The following MRPS24 variants were observed in gnomAD, a reference collection of about 807,000 sequenced individuals.
The protein encoded by MRPS24 is small ribosomal subunit protein uS3m.
MRPS24 carries 15 observed loss-of-function variants against 21.8 expected under a neutral mutation model. The observed-to-expected ratio is 0.69, with a 90% confidence interval of 0.46 to 1.06. MRPS24 has a LOEUF of 1.06. Ranked by LOEUF, MRPS24 falls within the 50% of genes least tolerant of loss-of-function variation. The probability of loss-of-function intolerance (pLI) is 0.00; values close to 1 mark genes in which losing one functional copy is unlikely to be tolerated. For synonymous variants in MRPS24, 93 were observed against 93.7 expected (o/e 0.99, Z 0.04); for missense variants, 224 against 219.1 (o/e 1.02, Z -0.14).
In MRPS24 at chr7:43,866,605, G is replaced by C; in HGVS notation, c.*94C>G. Reference sequence around the variant, plus strand: ...ATAGCAGATGAGAGACTATGCCTCAGTCCTCTGAGGGGATGCATTTCCCCC... The same window carrying C: ...ATAGCAGATGAGAGACTATGCCTCACTCCTCTGAGGGGATGCATTTCCCCC... On this transcript the variant is annotated 3_prime_UTR_variant, in exon 4 of 4. Coordinates refer to ENST00000317534, the MANE Select transcript of MRPS24 (RefSeq NM_032014.3). 7.2e-7 allele frequency: 1 copy of C among 1,396,102 alleles called. No individual in the cohort carries two copies. The highest frequency in any genetic ancestry group is 9.9e-7 in the Non-Finnish European group (1 of 1,009,100). The allele number at this position is 1,396,102 out of a possible 1,614,324, so 86.5% of individuals were successfully genotyped here. A position where few individuals can be genotyped will look rare whatever the true frequency, so the allele number is the denominator to read the frequency against.
rs542401522 is a variant in MRPS24, at chr7:43,866,885, G to C, written c.318C>G (p.Asp106Glu). 6.2e-7 allele frequency: 1 copy of C among 1,614,204 alleles called. No individual in the cohort carries two copies. The highest frequency in any genetic ancestry group is 1.1e-5 in the South Asian group (1 of 91,086). ...MWGTFPGCLA[D>E]QLVLKRRGNQ... ...TACCCCGGCGCTTTAAAACCAGCTG[G>C]TCAGCCAGGCAGCCTGGGAAGGTAC... The change falls in exon 4 of 4, where the codon GAC (aspartate) becomes GAG (glutamate). Residue 106 changes from aspartate (D) to glutamate (E), a missense_variant. Asp to Glu is a conservative substitution (Grantham distance 45). Transcript: ENST00000317534.
In MRPS24 at chr7:43,869,030, C is replaced by T. The variant is rs773161689; in HGVS notation, c.153G>A (p.Val51=). 6 of 1,613,992 alleles carry T rather than the reference C, an allele frequency of 3.7e-6. No individual in the cohort carries two copies. Among genetic ancestry groups the T allele is most frequent in the Non-Finnish European group, 5.1e-6 (6 of 1,180,024 alleles). Residue 51 remains valine, a synonymous_variant, in exon 3 of 4, where the codon GTG becomes GTA. Transcript: ENST00000317534. This position sits in a 1 kb window ranked among gnomAD's most constrained non-coding sequence, Gnocchi z 4.8. The part of the protein sequence containing the change: ...RVRVSKGDKP[V]TYEEAHAPHY... Reference sequence around the variant, plus strand: ...GCGGCGCGTGTGCCTCCTCGTAGGTCACCGGCTTGTCCCCCTTGCTTACGC... The same window carrying T: ...GCGGCGCGTGTGCCTCCTCGTAGGTTACCGGCTTGTCCCCCTTGCTTACGC...
Position 43,869,423 on chromosome 7 carries a change from G to A in MRPS24, c.39+34C>T. ...GGCGGAAACTAGGGACCCCACCTCC[G>A]ACTCGCAGGGACCTGCCGAGTCGCC... On this transcript the variant is annotated intron_variant, in intron 1 of 3. Coordinates refer to ENST00000317534, the MANE Select transcript of MRPS24 (RefSeq NM_032014.3). The surrounding 1 kb of genome is among the most constrained non-coding windows in gnomAD (Gnocchi z 4.8). 1 of 1,553,116 alleles carries A rather than the reference G, an allele frequency of 6.4e-7. No individual in the cohort carries two copies. The highest frequency in any genetic ancestry group is 8.7e-7 in the Non-Finnish European group (1 of 1,148,964).
In MRPS24 at chr7:43,866,945, C is replaced by A. The variant is rs9154; in HGVS notation, c.258G>T (p.Thr86=). ...ACTTGCGAAGGAAAACATCCTCCAC[C>A]GTTCGCTCTGCGGCATGGTCCTCTC... ...LDGEDHAAER[T]VEDVFLRKFM... Residue 86 remains threonine, a synonymous_variant, in exon 4 of 4, where the codon ACG becomes ACT. Coordinates refer to ENST00000317534, the MANE Select transcript of MRPS24 (RefSeq NM_032014.3). 1 of 1,613,988 alleles carries A rather than the reference C, an allele frequency of 6.2e-7. No homozygotes were observed. The highest frequency in any genetic ancestry group is 2.2e-5 in the East Asian group (1 of 44,886).
In MRPS24 at chr7:43,866,844, C is replaced by T; in HGVS notation, c.359G>A (p.Cys120Tyr). The T allele has an allele frequency of 6.2e-7, 1 of 1,614,228 alleles. No individual in the cohort carries two copies. Among genetic ancestry groups the T allele is most frequent in the South Asian group, 1.1e-5 (1 of 91,088 alleles). Reference sequence around the variant, plus strand: ...AGACAACTGCCTCAGGACCACGGCACAGATCTCCAACTGGTTACCCCGGCG... The same window carrying T: ...AGACAACTGCCTCAGGACCACGGCATAGATCTCCAACTGGTTACCCCGGCG... ...LKRRGNQLEI[C>Y]AVVLRQLSPH... The change falls in exon 4 of 4, where the codon TGT becomes TAT. Residue 120 changes from cysteine to tyrosine, a missense_variant. Transcript: ENST00000317534.
rs1177976319 is a variant in MRPS24 at position 43,866,916 on chromosome 7, A to G, written c.287T>C (p.Met96Thr). 6 of 1,614,080 alleles carry G rather than the reference A, an allele frequency of 3.7e-6. No individual in the cohort carries two copies. Among genetic ancestry groups the G allele is most frequent in the East Asian group, 2.2e-5 (1 of 44,898 alleles). Residue 96 changes from methionine (M) to threonine (T), a missense_variant, in exon 4 of 4, where the codon ATG becomes ACG. Coordinates refer to ENST00000317534, the MANE Select transcript of MRPS24 (RefSeq NM_032014.3). Reference sequence around the variant, plus strand: ...CAGGCAGCCTGGGAAGGTACCCCACATGAACTTGCGAAGGAAAACATCCTC... The same window carrying G: ...CAGGCAGCCTGGGAAGGTACCCCACGTGAACTTGCGAAGGAAAACATCCTC... ...TVEDVFLRKFMWGTFPGCLAD... is the reference protein window; with the variant it reads ...TVEDVFLRKFTWGTFPGCLAD...
chr7:43,869,332 CA>C lies in MRPS24; in HGVS notation c.83del (p.Leu28ArgfsTer17). On this transcript the variant is annotated frameshift_variant, in exon 2 of 4. Coordinates refer to ENST00000317534, the MANE Select transcript of MRPS24 (RefSeq NM_032014.3). LOFTEE classifies it high-confidence loss of function. This position sits in a 1 kb window ranked among gnomAD's most constrained non-coding sequence, Gnocchi z 4.8. ...CCTTGGCGCAGACCGGGGAGGTGTG[CA>C]GGGCGCGCCAAGCGCAAGGCAGCTC... ...SRELPCAWRA[L>X]HTSPVCAKNR... 1 of 1,530,680 alleles carries C rather than the reference CA, an allele frequency of 6.5e-7. No homozygotes were observed. 94.8% of individuals were successfully genotyped at this position (1,530,680 alleles called of 1,614,324 possible). A position where few individuals can be genotyped will look rare whatever the true frequency, so the allele number is the denominator to read the frequency against.
Position 43,869,030 on chromosome 7 carries a change from C to G in MRPS24, c.153G>C (p.Val51=). 1 of 1,613,992 alleles carries G rather than the reference C, an allele frequency of 6.2e-7. No homozygotes were observed. The highest frequency in any genetic ancestry group is 8.5e-7 in the Non-Finnish European group (1 of 1,180,024). The part of the protein sequence containing the change: ...RVRVSKGDKP[V]TYEEAHAPHY... The stretch of plus-strand genomic sequence containing the variant: ...GCGGCGCGTGTGCCTCCTCGTAGGT[C>G]ACCGGCTTGTCCCCCTTGCTTACGC... The change falls in exon 3 of 4, where the codon GTG becomes GTC. Residue 51 remains valine (V), a synonymous_variant. Coordinates refer to ENST00000317534, the MANE Select transcript of MRPS24 (RefSeq NM_032014.3). The surrounding 1 kb of genome is among the most constrained non-coding windows in gnomAD (Gnocchi z 4.8).
Position 43,866,586 on chromosome 7 carries a change from G to T in MRPS24, c.*113C>A. The T allele has an allele frequency of 8.2e-7, 1 of 1,212,266 alleles. No homozygotes were observed. The allele number at this position is 1,212,266 out of a possible 1,614,324, so 75.1% of individuals were successfully genotyped here. ...GATAGAAGGTCTTTATTCAATAGCA[G>T]ATGAGAGACTATGCCTCAGTCCTCT... is the stretch of plus-strand genomic sequence containing the variant. On this transcript the variant is annotated 3_prime_UTR_variant, in exon 4 of 4. Transcript: ENST00000317534.
In MRPS24 at chr7:43,866,891, C is replaced by T. The variant is rs759685614; in HGVS notation, c.312G>A (p.Leu104=). ...KFMWGTFPGC[L]ADQLVLKRRG... is the part of the protein sequence containing the mutation. ...GGCGCTTTAAAACCAGCTGGTCAGC[C>T]AGGCAGCCTGGGAAGGTACCCCACA... Residue 104 remains leucine, a synonymous_variant, in exon 4 of 4, where the codon CTG becomes CTA. Transcript: ENST00000317534. 1.1e-5 allele frequency: 17 copies of T among 1,614,074 alleles called. No individual in the cohort carries two copies. The highest frequency in any genetic ancestry group is 2.7e-5 in the African/African-American group (2 of 74,932).
At chr7:43,867,930 T>C (rs534646304) in intron 3 of MRPS24, 1 of 152,312 alleles carries the variant, frequency 6.6e-6, no homozygotes, top group East Asian at 1.9e-4. Flanking sequence ...ACAATAGTTA[T>C]ATTCTATAAA....
At position 43,869,391 on chromosome 7, in the gene MRPS24, C is replaced by A; in HGVS notation, c.40-15G>T. On this transcript the variant is annotated splice_polypyrimidine_tract_variant and intron_variant, in intron 1 of 3. Transcript: ENST00000317534. This position sits in a 1 kb window ranked among gnomAD's most constrained non-coding sequence, Gnocchi z 4.8. ...CAGGACAGCACCTGTGGAGGGAGGG[C>A]GCGTGAGGCGGAAACTAGGGACCCC... The A allele has an allele frequency of 1.3e-6, 2 of 1,549,830 alleles. No individual in the cohort carries two copies. Among genetic ancestry groups the A allele is most frequent in the South Asian group, 1.2e-5 (1 of 84,074 alleles).
At position 43,866,924 on chromosome 7, in the gene MRPS24, G is replaced by C; in HGVS notation, c.279C>G (p.Arg93=). 1 of 1,614,148 alleles carries C rather than the reference G, an allele frequency of 6.2e-7. No individual in the cohort carries two copies. The highest frequency in any genetic ancestry group is 1.1e-5 in the South Asian group (1 of 91,078). Residue 93 remains arginine (R), a synonymous_variant, in exon 4 of 4, where the codon CGC becomes CGG. Coordinates refer to ENST00000317534, the MANE Select transcript of MRPS24 (RefSeq NM_032014.3). ...CTGGGAAGGTACCCCACATGAACTTGCGAAGGAAAACATCCTCCACCGTTC... is the reference window on the plus strand; with the variant it reads ...CTGGGAAGGTACCCCACATGAACTTCCGAAGGAAAACATCCTCCACCGTTC... ...AERTVEDVFL[R]KFMWGTFPGC...
chr7:43,868,834 T>G, intron 3 of MRPS24, 129 bp downstream of exon 3: 3 of 1,173,268 alleles, frequency 2.6e-6, no homozygotes, highest in Non-Finnish European at 3.5e-6. Flanking sequence ...ATGTCTCCCT[T>G]GAGTTGGTTT....
chr7:43,867,020 T>G, intron 3 of MRPS24, 38 bp from the exon 4 acceptor site: 2 of 1,600,446 alleles, frequency 1.2e-6, no homozygotes, highest in Non-Finnish European at 1.7e-6. Context: ...ATCAGCCTCA[T>G]TGCCCCAGGG....
At position 43,869,138 on chromosome 7, in the gene MRPS24, T is replaced by TC; in HGVS notation, c.109-65dup. 6.5e-6 allele frequency: 10 copies of TC among 1,541,438 alleles called. No individual in the cohort carries two copies. The highest frequency in any genetic ancestry group is 7.8e-6 in the Non-Finnish European group (9 of 1,147,438). On this transcript the variant is annotated intron_variant, in intron 2 of 3. Transcript: ENST00000317534. The surrounding 1 kb of genome is among the most constrained non-coding windows in gnomAD (Gnocchi z 4.8). The stretch of plus-strand genomic sequence containing the variant: ...ATCCAGACCCCTACTTCGCGCCATG[T>TC]CCCCCCAGTCAGCTGGCACTGTTCC...
chr7:43,866,862 C>T lies in MRPS24; in HGVS notation c.341G>A (p.Gly114Asp). The T allele has an allele frequency of 6.2e-7, 1 of 1,614,214 alleles. No homozygotes were observed. Among genetic ancestry groups the T allele is most frequent in the Non-Finnish European group, 8.5e-7 (1 of 1,180,024 alleles). Reference sequence around the variant, plus strand: ...CACGGCACAGATCTCCAACTGGTTACCCCGGCGCTTTAAAACCAGCTGGTC... The same window carrying T: ...CACGGCACAGATCTCCAACTGGTTATCCCGGCGCTTTAAAACCAGCTGGTC... The part of the protein sequence containing the change: ...LADQLVLKRR[G>D]NQLEICAVVL... Residue 114 changes from glycine (G) to aspartate (D), a missense_variant, in exon 4 of 4, where the codon GGT (glycine) becomes GAT (aspartate). Coordinates refer to ENST00000317534, the MANE Select transcript of MRPS24 (RefSeq NM_032014.3).
Position 43,869,476 on chromosome 7 carries a change from C to T in MRPS24, c.20G>A (p.Ser7Asn). The stretch of plus-strand genomic sequence containing the variant: ...ACTCACCCGTGGCCCCAGCAACCCG[C>T]TGCACACGGAGGCCGCCATCTTGGG... MAASVC[S>N]GLLGPRVLSW... The change falls in exon 1 of 4, where the codon AGC becomes AAC. Residue 7 changes from serine to asparagine, a missense_variant. Physicochemically the swap from Ser to Asn is conservative, Grantham distance 46 (BLOSUM62 1). Coordinates refer to ENST00000317534, the MANE Select transcript of MRPS24 (RefSeq NM_032014.3). The surrounding 1 kb of genome is among the most constrained non-coding windows in gnomAD (Gnocchi z 4.8). The T allele has an allele frequency of 1.3e-6, 2 of 1,570,074 alleles. No homozygotes were observed. Among genetic ancestry groups the T allele is most frequent in the African/African-American group, 1.4e-5 (1 of 73,970 alleles).
In MRPS24 at chr7:43,869,458, C is replaced by T. The variant is rs761347989; in HGVS notation, c.38G>A (p.Arg13Gln). Residue 13 changes from arginine to glutamine, a missense_variant and splice_region_variant, in exon 1 of 4, where the codon CGG becomes CAG. By Grantham distance (43) the Arg-to-Gln change is conservative (BLOSUM62 1). Coordinates refer to ENST00000317534, the MANE Select transcript of MRPS24 (RefSeq NM_032014.3). This position sits in a 1 kb window ranked among gnomAD's most constrained non-coding sequence, Gnocchi z 4.8. The part of the protein sequence containing the change: ...ASVCSGLLGP[R>Q]VLSWSRELPC... ...GACCTGCCGAGTCGCCCCACTCACC[C>T]GTGGCCCCAGCAACCCGCTGCACAC... 7 of 1,564,968 alleles carry T rather than the reference C, an allele frequency of 4.5e-6. No homozygotes were observed. In the African/African-American group the frequency reaches 5.4e-5, roughly 12 times the overall value.
Sources: allele counts gnomAD v4.1 joint callset, GRCh38; gene constraint gnomAD v4.1.1; non-coding constraint Gnocchi (gnomAD v3.1); transcripts MANE v1.5; gene names NCBI Gene and HGNC (gene_info 2026-07-23, HGNC 2026-07-21).